Variants in AKAP10 observed in about 807,000 individuals in gnomAD.
AKAP10 encodes the protein A-kinase anchor protein 10, mitochondrial.
Under a neutral mutation model 80.8 loss-of-function variants are expected in AKAP10, and 24 were observed. The ratio of observed to expected loss-of-function variants is 0.30; its 90% CI spans 0.22 to 0.42. The LOEUF is 0.42. AKAP10 is among the 10% of genes least tolerant of loss of function. AKAP10 has a pLI of 1.00. For missense variants in AKAP10, 661 were observed against 794.9 expected, an observed-to-expected ratio of 0.83 and a Z score of 2.03; for synonymous variants, 291 against 277.7, an observed-to-expected ratio of 1.05 and a Z score of -0.48.
intron 12 of AKAP10, among the ~76,000 whole-genome samples, chr17:19,914,809 T>A (rs563216163): frequency 2.0e-5 from 3 of 151,906 alleles, no homozygotes; most frequent in Admixed American, 2.0e-4. Flanking sequence ...GCCACAGCCA[T>A]GAAATAGCAA....
chr17:19,940,351 C>T (rs2043039110), intron 7 of AKAP10, among the ~76,000 whole-genome samples: 2 of 152,252 alleles, frequency 1.3e-5, no homozygotes, highest in African/African-American at 2.4e-5. Flanking sequence ...GACTGGGAAT[C>T]CTCTTTCTAC....
At chr17:19,907,177 C>T (rs1243194169) in intron 14 of AKAP10, among the ~76,000 whole-genome samples, 1 of 151,938 alleles carries the variant, frequency 6.6e-6, no homozygotes, top group African/African-American at 2.4e-5. Context: ...CGCCACCACG[C>T]CCAGCTAATT....
At chr17:19,927,312 C>T (rs989657245) in intron 10 of AKAP10, among the ~76,000 whole-genome samples, 1 of 152,062 alleles carries the variant, frequency 6.6e-6, no homozygotes, top group Non-Finnish European at 1.5e-5. Flanking sequence ...CCAGCCTGGG[C>T]AGCAGAATGA....
At position 19,958,497 on chromosome 17, in the gene AKAP10, C is replaced by A; in HGVS notation, c.394G>T (p.Asp132Tyr). 6.2e-7 allele frequency: 1 copy of A among 1,613,138 alleles called. No homozygotes were observed. Among genetic ancestry groups the A allele is most frequent in the South Asian group, 1.1e-5 (1 of 91,074 alleles). Reference protein sequence around the residue: ...LSKTLEQVLHDTIVLPYFIQF... With the variant: ...LSKTLEQVLHYTIVLPYFIQF... Reference sequence around the variant, plus strand: ...ATGAAGTAAGGGAGGACAATAGTGTCGTGCAAGACTTGTTCAAGGGTCTTA... The same window carrying A: ...ATGAAGTAAGGGAGGACAATAGTGTAGTGCAAGACTTGTTCAAGGGTCTTA... Residue 132 changes from aspartate to tyrosine, a missense_variant, in exon 4 of 15, where the codon GAC becomes TAC. Transcript: ENST00000225737.
At position 19,931,833 on chromosome 17, in the gene AKAP10, G is replaced by C. The variant is rs767735101; in HGVS notation, c.1613C>G (p.Pro538Arg). The C allele has an allele frequency of 1.9e-6, 3 of 1,614,074 alleles. No individual in the cohort carries two copies. The highest frequency in any genetic ancestry group is 1.7e-6 in the Non-Finnish European group (2 of 1,180,022). ...GSVGPPDESH[P>R]GSSDSSASQS... ...AGACGCAGAGCTGTCAGAACTCCCT[G>C]GGTGAGACTCATCAGGAGGGCCAAC... Residue 538 changes from proline (P) to arginine (R), a missense_variant, in exon 10 of 15, where the codon CCA (proline) becomes CGA (arginine). Pro to Arg is a moderately radical substitution (Grantham distance 103). Transcript: ENST00000225737.
At chr17:19,920,540 C>A (rs1180779201) in intron 11 of AKAP10, among the ~76,000 whole-genome samples, 2 of 151,952 alleles carry the variant, frequency 1.3e-5, no homozygotes, top group African/African-American at 4.8e-5. Flanking sequence ...TACTATAAAA[C>A]AAAGTTAAAA....
chr17:19,973,753 G>A (rs1487277503), intron 1 of AKAP10, among the ~76,000 whole-genome samples: 1 of 152,222 alleles, frequency 6.6e-6, no homozygotes, highest in East Asian at 1.9e-4. Context: ...AGAGATGACT[G>A]CCTAGACCAG....
At chr17:19,974,056 G>A (rs35925051) in intron 1 of AKAP10, among the ~76,000 whole-genome samples, 32,444 of 152,094 alleles carry the variant, frequency 0.21, 4,050 homozygotes, top group Middle Eastern at 0.34. Context: ...GCTGGTCATG[G>A]TGGCGCATGC....
chr17:19,958,956 G>C (rs145241115), intron 3 of AKAP10, among the ~76,000 whole-genome samples: 3 of 148,838 alleles, frequency 2.0e-5, no homozygotes, highest in Non-Finnish European at 4.4e-5. Flanking sequence ...GGGTTCAAGC[G>C]ATTCTCTTGA....
Position 19,909,920 on chromosome 17 carries a change from A to T in AKAP10, c.1887+6T>A. 2.5e-6 allele frequency: 4 copies of T among 1,613,396 alleles called. No individual in the cohort carries two copies. The highest frequency in any genetic ancestry group is 3.4e-6 in the Non-Finnish European group (4 of 1,179,546). On this transcript the variant is annotated splice_donor_region_variant and intron_variant, in intron 13 of 14. Coordinates refer to ENST00000225737, the MANE Select transcript of AKAP10 (RefSeq NM_007202.4). The stretch of plus-strand genomic sequence containing the variant: ...GAAATCTTTTTATCCTAAAGGTAGG[A>T]TTTACCTCATCAGTATTTCCTTGCA...
chr17:19,909,390 A>G, intron 13 of AKAP10, 114 bp from the exon 14 acceptor site: 1 of 936,808 alleles, frequency 1.1e-6, no homozygotes, highest in Non-Finnish European at 1.5e-6. Flanking sequence ...TTATTTGGAT[A>G]AGAATTTCAT....
chr17:19,939,935 T>C, intron 7 of AKAP10, 86 bp from the exon 8 acceptor site: 1 of 1,441,164 alleles, frequency 6.9e-7, no homozygotes, highest in South Asian at 1.4e-5. Context: ...AATATTAAAA[T>C]ACAGGTCATA....
chr17:19,951,324 C>T lies in AKAP10; in HGVS notation c.878-3819G>A, dbSNP rs1293878125. 2.6e-5 allele frequency among the ~76,000 whole-genome samples: 4 copies of T among 151,376 alleles called. No individual in the cohort carries two copies. In the East Asian group the frequency reaches 7.8e-4, roughly 29 times the overall value. ...ACTGCCCCGTCTGGGAGGTGGGGGG[C>T]GCCTCTGCCCGGCTGCCCCATCTGG... On this transcript the variant is annotated intron_variant, in intron 4 of 14. Coordinates refer to ENST00000225737, the MANE Select transcript of AKAP10 (RefSeq NM_007202.4).
intron 12 of AKAP10, among the ~76,000 whole-genome samples, chr17:19,911,199 A>G (rs2042685877): frequency 6.6e-6 from 1 of 152,308 alleles, no homozygotes; most frequent in Non-Finnish European, 1.5e-5. Context: ...TGAAGGCTCA[A>G]CTGGCTGTTG....
chr17:19,957,866 TAC>T, intron 4 of AKAP10, 146 bp downstream of exon 4: 1 of 821,302 alleles, frequency 1.2e-6, no homozygotes, highest in Non-Finnish European at 1.9e-6. Flanking sequence ...CTGACTCTAC[TAC>T]ACTCTCCAAA....
intron 4 of AKAP10, 39 bp downstream of exon 4, chr17:19,957,975 T>G: frequency 6.6e-7 from 1 of 1,522,592 alleles, no homozygotes; most frequent in Non-Finnish European, 8.9e-7. Flanking sequence ...AAAAAGAAAG[T>G]GAGACACATA....
At chr17:19,927,169 C>T (rs2042883638) in intron 10 of AKAP10, among the ~76,000 whole-genome samples, 1 of 151,988 alleles carries the variant, frequency 6.6e-6, no homozygotes, top group African/African-American at 2.4e-5. Flanking sequence ...AGATCTGTCT[C>T]TACAAACAGA....
intron 14 of AKAP10, 88 bp from the exon 15 acceptor site, chr17:19,906,320 T>C: frequency 7.1e-7 from 1 of 1,410,926 alleles, no homozygotes; most frequent in Non-Finnish European, 9.9e-7. Flanking sequence ...CACCAACACT[T>C]AGTGTTTACT....
chr17:19,930,368 T>C (rs1020321515), intron 10 of AKAP10, among the ~76,000 whole-genome samples: 11 of 152,288 alleles, frequency 7.2e-5, no homozygotes, highest in South Asian at 4.1e-4. Flanking sequence ...TATTCTACTT[T>C]GTGTGATTTT....
Sources: allele counts gnomAD v4.1 joint callset (sites outside exome capture counted in the v4.1 genomes callset), GRCh38; gene constraint gnomAD v4.1.1; transcripts MANE v1.5; gene names NCBI Gene and HGNC (gene_info 2026-07-23, HGNC 2026-07-21).